Variants in TERT observed in about 807,000 individuals in gnomAD.
TERT encodes telomerase catalytic subunit.
A neutral mutation model predicts 104.0 loss-of-function variants in TERT; 42 were observed. That is an observed-to-expected ratio of 0.40 (90% CI 0.32 to 0.52). TERT has a LOEUF of 0.52. TERT is among the 20% of genes least tolerant of loss of function. The pLI, the probability that TERT is intolerant of heterozygous loss-of-function variation, is 0.43. For synonymous variants in TERT, 781 were observed against 725.6 expected, an observed-to-expected ratio of 1.08 and a Z score of -1.23; for missense variants, 1,101 against 1,610.3, an observed-to-expected ratio of 0.68 and a Z score of 5.41.
At chr5:1,291,498 C>G (rs367977679) in intron 2 of TERT, among the ~76,000 whole-genome samples, 124 of 12,188 alleles carry the variant, frequency 0.01, no homozygotes, top group Middle Eastern at 0.056. Flanking sequence ...CACCCTACAC[C>G]TGAGAGGGAC....
In TERT at chr5:1,274,693, G is replaced by T. The variant is rs1472616571; in HGVS notation, c.2287-2413C>A. On this transcript the variant is annotated intron_variant, in intron 6 of 15. Transcript: ENST00000310581. This position sits in a 1 kb window ranked among gnomAD's most constrained non-coding sequence, Gnocchi z 5.3. ...ACGCTGGCTCCCCACACCCCACCTA[G>T]CCTCCCGCTGTGCGCCGGGTTCCTA... Among the ~76,000 whole-genome samples the T allele has an allele frequency of 6.6e-6, 1 of 152,154 alleles. No homozygotes were observed. The highest frequency in any genetic ancestry group is 1.9e-4 in the East Asian group (1 of 5,196).
chr5:1,272,463 A>G (rs1244078462), intron 6 of TERT, among the ~76,000 whole-genome samples, 183 bp from the exon 7 acceptor site: 1 of 151,990 alleles, frequency 6.6e-6, no homozygotes, highest in African/African-American at 2.4e-5. Flanking sequence ...GACGCAAAGT[A>G]GCTACAGACA....
At chr5:1,277,970 C>T (rs1749725186) in intron 6 of TERT, among the ~76,000 whole-genome samples, 1 of 152,190 alleles carries the variant, frequency 6.6e-6, no homozygotes, top group Admixed American at 6.5e-5. Flanking sequence ...GCCCCAAGGC[C>T]CCCGGCCGCT....
Position 1,282,428 on chromosome 5 carries a change from C to T in TERT, c.1769+1G>A. 6.2e-7 allele frequency: 1 copy of T among 1,613,706 alleles called. No homozygotes were observed. Among genetic ancestry groups the T allele is most frequent in the Non-Finnish European group, 8.5e-7 (1 of 1,179,878 alleles). On this transcript the variant is annotated splice_donor_variant, in intron 3 of 15. Coordinates refer to ENST00000310581, the MANE Select transcript of TERT (RefSeq NM_198253.3). LOFTEE classifies it high-confidence loss of function. Reference sequence around the variant, plus strand: ...AGAGGCCTGGCGTGGGGATACAGTACCTGATTCCAATGCTTTGCAACTTGC... The same window carrying T: ...AGAGGCCTGGCGTGGGGATACAGTATCTGATTCCAATGCTTTGCAACTTGC...
chr5:1,263,850 AC>A lies in TERT; in HGVS notation c.2843+553del, dbSNP rs534909220. Among the ~76,000 whole-genome samples, 6 of 151,166 alleles carry A rather than the reference AC, an allele frequency of 4.0e-5. No homozygotes were observed. The highest frequency in any genetic ancestry group is 3.9e-4 in the East Asian group (2 of 5,158). On this transcript the variant is annotated intron_variant, in intron 11 of 15. Transcript: ENST00000310581. This position sits in a 1 kb window ranked among gnomAD's most constrained non-coding sequence, Gnocchi z 5.3. ...AACAAGACCCCAGAATTTTGTAGAG[AC>A]CCCCCCCACACCATGGCCCTGTCCC...
Position 1,255,210 on chromosome 5 carries a change from A to G in TERT, c.3157+77T>C, listed in dbSNP as rs1747629496. 6.3e-7 allele frequency: 1 copy of G among 1,575,774 alleles called. No homozygotes were observed. Among genetic ancestry groups the G allele is most frequent in the Non-Finnish European group, 8.6e-7 (1 of 1,156,754 alleles). On this transcript the variant is annotated intron_variant, in intron 14 of 15. Transcript: ENST00000310581. This position sits in a 1 kb window ranked among gnomAD's most constrained non-coding sequence, Gnocchi z 6.9. ...AAAGGGGTAAGAACTTCCTAAGCCC[A>G]GATTCACTCAGTCTCCTGACACACT...
In TERT at chr5:1,264,230, C is replaced by T. The variant is rs1357927167; in HGVS notation, c.2843+174G>A. 6 of 670,852 alleles carry T rather than the reference C, an allele frequency of 8.9e-6. No individual in the cohort carries two copies. The Admixed American group carries it at 1.0e-4, about 11-fold the overall frequency. The allele number at this position is 670,852 out of a possible 1,614,324, so 41.6% of individuals were successfully genotyped here. ...CCCGTTGTGAGCACCCTCACTCCCA[C>T]AGAAAGATGCATTTCTGCTCAGCCC... is the stretch of plus-strand genomic sequence containing the variant. On this transcript the variant is annotated intron_variant, in intron 11 of 15. Transcript: ENST00000310581.
chr5:1,277,865 C>A (rs1749715739), intron 6 of TERT, among the ~76,000 whole-genome samples: 1 of 152,176 alleles, frequency 6.6e-6, no homozygotes, highest in Non-Finnish European at 1.5e-5. Context: ...CACCTCTGCA[C>A]CCCGGCCTGG....
chr5:1,283,064 A>G (rs1750159628), intron 2 of TERT: 2 of 317,730 alleles, frequency 6.3e-6, no homozygotes, highest in South Asian at 2.4e-5. Flanking sequence ...GACCTGCACC[A>G]TCCGGATACA....
intron 9 of TERT, 119 bp from the exon 10 acceptor site, chr5:1,266,654 G>A (rs1748628499): frequency 2.2e-6 from 2 of 909,396 alleles, no homozygotes; most frequent in South Asian, 2.8e-5. Flanking sequence ...ATTCTCCAAA[G>A]CGGTTAAATG....
In TERT at chr5:1,268,389, G is replaced by T. The variant is rs565086421; in HGVS notation, c.2582+131C>A. On this transcript the variant is annotated intron_variant, in intron 9 of 15. Coordinates refer to ENST00000310581, the MANE Select transcript of TERT (RefSeq NM_198253.3). This position sits in a 1 kb window ranked among gnomAD's most constrained non-coding sequence, Gnocchi z 5.5. ...TCCCGTGCGGCTTCATACCAAGAAG[G>T]GGCTGCAACCTTGTCTGGTTCCTCA... 9.6e-6 allele frequency: 7 copies of T among 732,542 alleles called. No individual in the cohort carries two copies. The highest frequency in any genetic ancestry group is 1.2e-5 in the Non-Finnish European group (5 of 423,998). 45.4% of individuals were successfully genotyped at this position (732,542 alleles called of 1,614,324 possible).
rs1310927331 is a variant in TERT at position 1,272,278 on chromosome 5, G to T, written c.2289C>A (p.Val763=). Residue 763 remains valine (V), a splice_region_variant and synonymous_variant, in exon 7 of 16, where the codon GTC becomes GTA. Transcript: ENST00000310581. ...GHVRKAFKSH[V]STLTDLQPYM... ...ACGGCTGGAGGTCTGTCAAGGTAGA[G>T]ACCTGCCGGCAGAGGAGAGGGCATG... is the stretch of plus-strand genomic sequence containing the variant. The T allele has an allele frequency of 6.2e-7, 1 of 1,610,390 alleles. No individual in the cohort carries two copies. Among genetic ancestry groups the T allele is most frequent in the Admixed American group, 1.7e-5 (1 of 59,830 alleles).
rs1376003572 is a variant in TERT at position 1,268,199 on chromosome 5, G to A, written c.2582+321C>T. ...GCCCCATCTCCCCAAGGACCCTAACGGAACCTGGGTGACGTGACAGAAGCT... is the reference window on the plus strand; with the variant it reads ...GCCCCATCTCCCCAAGGACCCTAACAGAACCTGGGTGACGTGACAGAAGCT... On this transcript the variant is annotated intron_variant, in intron 9 of 15. Transcript: ENST00000310581. This position sits in a 1 kb window ranked among gnomAD's most constrained non-coding sequence, Gnocchi z 5.5. 6.6e-6 allele frequency among the ~76,000 whole-genome samples: 1 copy of A among 152,238 alleles called. No individual in the cohort carries two copies. Among genetic ancestry groups the A allele is most frequent in the Non-Finnish European group, 1.5e-5 (1 of 68,032 alleles).
At chr5:1,254,891 G>T (rs1481530913) in intron 14 of TERT, among the ~76,000 whole-genome samples, 1 of 152,112 alleles carries the variant, frequency 6.6e-6, no homozygotes, top group Non-Finnish European at 1.5e-5. Context: ...GGTAGCCTGG[G>T]CCTGGCCTCC....
Position 1,293,747 on chromosome 5 carries a change from G to A in TERT, c.1139C>T (p.Pro380Leu). The change falls in exon 2 of 16, where the codon CCC becomes CTC. Residue 380 changes from proline (P) to leucine (L), a missense_variant. Pro to Leu is a moderately conservative substitution (Grantham distance 98). Coordinates refer to ENST00000310581, the MANE Select transcript of TERT (RefSeq NM_198253.3). ...TTGCCAGTAGCGCTGGGGCAGGCGG[G>A]GCAACCTGCGGGGAGTCCCTGGCAT... Reference protein sequence around the residue: ...PWMPGTPRRLPRLPQRYWQMR... With the variant: ...PWMPGTPRRLLRLPQRYWQMR... 1 of 1,562,250 alleles carries A rather than the reference G, an allele frequency of 6.4e-7. No individual in the cohort carries two copies. The highest frequency in any genetic ancestry group is 8.7e-7 in the Non-Finnish European group (1 of 1,153,474).
At position 1,256,188 on chromosome 5, in the gene TERT, A is replaced by G. The variant is rs189881534; in HGVS notation, c.3033-777T>C. On this transcript the variant is annotated intron_variant, in intron 13 of 15. Coordinates refer to ENST00000310581, the MANE Select transcript of TERT (RefSeq NM_198253.3). This position sits in a 1 kb window ranked among gnomAD's most constrained non-coding sequence, Gnocchi z 7.0. ...CCATGCTCAGCTAATTTTTGTTTTT[A>G]TTTTTCATAGAGATGGGGTTCTACT... Among the ~76,000 whole-genome samples, 1 of 151,732 alleles carries G rather than the reference A, an allele frequency of 6.6e-6. No homozygotes were observed. The highest frequency in any genetic ancestry group is 1.9e-4 in the East Asian group (1 of 5,146).
rs370906233 is a variant in TERT at position 1,291,058 on chromosome 5, A to G, written c.1573+2255T>C. ...GCACGGGACAGGGACACCCGGGGACAGTGCCTCACTCACCCTACACGTGAC... is the reference window on the plus strand; with the variant it reads ...GCACGGGACAGGGACACCCGGGGACGGTGCCTCACTCACCCTACACGTGAC... On this transcript the variant is annotated intron_variant, in intron 2 of 15. Transcript: ENST00000310581. Among the ~76,000 whole-genome samples, 35 of 42,232 alleles carry G rather than the reference A, an allele frequency of 8.3e-4. 2 individuals are homozygous for G. The highest frequency in any genetic ancestry group is 2.0e-3 in the African/African-American group (16 of 8,032). 27.7% of individuals were successfully genotyped at this position (42,232 alleles called of 152,430 possible).
intron 3 of TERT, among the ~76,000 whole-genome samples, chr5:1,280,825 GAGCCCACC>G (rs11278847): frequency 0.37 from 55,648 of 151,968 alleles, 10,119 homozygotes; most frequent in Middle Eastern, 0.44. Flanking sequence ...CAGCTCTCAT[GAGCCCACC>G]AGTCTCCTGA....
chr5:1,270,327 A>G lies in TERT; in HGVS notation c.2468+792T>C, dbSNP rs1446060513. 6.6e-6 allele frequency among the ~76,000 whole-genome samples: 1 copy of G among 152,226 alleles called. No homozygotes were observed. Among genetic ancestry groups the G allele is most frequent in the Non-Finnish European group, 1.5e-5 (1 of 68,036 alleles). ...CTTTATCCGCTGGAGACGATCCCAGAGAGAGGCCTCCACGTTCCACCTGAC... is the reference window on the plus strand; with the variant it reads ...CTTTATCCGCTGGAGACGATCCCAGGGAGAGGCCTCCACGTTCCACCTGAC... On this transcript the variant is annotated intron_variant, in intron 8 of 15. Transcript: ENST00000310581. The surrounding 1 kb of genome is among the most constrained non-coding windows in gnomAD (Gnocchi z 8.3).
Sources: gnomAD v4.1 joint callset for allele counts (sites outside exome capture counted in the v4.1 genomes callset) on GRCh38, gnomAD v4.1.1 for gene constraint, Gnocchi (gnomAD v3.1) non-coding constraint, MANE v1.5 for transcripts, NCBI Gene and HGNC (gene_info 2026-07-23, HGNC 2026-07-21) for gene names.